Variants in SMURF1 observed in about 807,000 individuals in gnomAD.
SMURF1 encodes SMAD specific E3 ubiquitin protein ligase 1.
In SMURF1, 44 loss-of-function variants were observed where a neutral mutation model predicts 98.0. That is an observed-to-expected ratio of 0.45 (90% confidence interval 0.35 to 0.58). SMURF1 has a LOEUF of 0.58. Ranked by LOEUF, SMURF1 falls within the 20% of genes least tolerant of loss-of-function variation. The pLI is 0.00. For missense variants in SMURF1, 687 were observed against 938.4 expected (o/e 0.73, Z 3.50); for synonymous variants, 396 against 374.9 (o/e 1.06, Z -0.65).
chr7:99,106,045 G>C (rs1797187801), intron 1 of SMURF1, among the ~76,000 whole-genome samples: 2 of 152,124 alleles, frequency 1.3e-5, no homozygotes, highest in Admixed American at 6.5e-5. Flanking sequence ...CCTCCAGCTG[G>C]AATCAATCTG....
At chr7:99,061,074 C>G (rs946261394) in intron 2 of SMURF1, among the ~76,000 whole-genome samples, 2 of 152,108 alleles carry the variant, frequency 1.3e-5, no homozygotes, top group African/African-American at 4.8e-5. Context: ...GGCCTTAATT[C>G]GGTAAGTCCC....
At chr7:99,105,059 T>C (rs1797165736) in intron 1 of SMURF1, among the ~76,000 whole-genome samples, 2 of 152,240 alleles carry the variant, frequency 1.3e-5, no homozygotes, top group Non-Finnish European at 2.9e-5. Flanking sequence ...AATCATTCTC[T>C]TCTATATATA....
intron 3 of SMURF1, among the ~76,000 whole-genome samples, chr7:99,059,258 C>T (rs367676212): frequency 6.7e-6 from 1 of 149,254 alleles, no homozygotes; most frequent in Admixed American, 6.7e-5. Flanking sequence ...AATAGCCGGG[C>T]GTAGTGGCGG....
chr7:99,143,475 C>A (rs1412424207), intron 1 of SMURF1, among the ~76,000 whole-genome samples: 1 of 111,784 alleles, frequency 8.9e-6, no homozygotes, highest in Non-Finnish European at 1.8e-5. Flanking sequence ...GACGGAGATG[C>A]GAGGGGGCAG....
intron 11 of SMURF1, among the ~76,000 whole-genome samples, chr7:99,044,372 T>C (rs1795502774): frequency 6.6e-6 from 1 of 152,184 alleles, no homozygotes; most frequent in South Asian, 2.1e-4. Context: ...AAAAGTTAAA[T>C]TCTAGAATAC....
chr7:99,034,885 C>CT (rs1490155404), intron 16 of SMURF1, among the ~76,000 whole-genome samples: 1 of 152,200 alleles, frequency 6.6e-6, no homozygotes, highest in Non-Finnish European at 1.5e-5. Context: ...GTCTGTGTGT[C>CT]TATCAGCATT....
intron 1 of SMURF1, among the ~76,000 whole-genome samples, chr7:99,133,983 C>T (rs563293560): frequency 2.6e-5 from 4 of 151,828 alleles, no homozygotes; most frequent in South Asian, 4.2e-4. Flanking sequence ...CAGGGGGGTG[C>T]GGCTGAGGGA....
chr7:99,038,020 C>T (rs1795218803), intron 14 of SMURF1, among the ~76,000 whole-genome samples: 1 of 152,212 alleles, frequency 6.6e-6, no homozygotes, highest in African/African-American at 2.4e-5. Context: ...ACAGATCTGC[C>T]TCAAGTTAGG....
At chr7:99,043,120 C>T (rs1038160010) in intron 11 of SMURF1, among the ~76,000 whole-genome samples, 15 of 152,086 alleles carry the variant, frequency 9.9e-5, no homozygotes, top group Non-Finnish European at 1.8e-4. Flanking sequence ...CTCCAGTTGT[C>T]TAGACAGGAA....
In SMURF1 at chr7:99,042,247, C is replaced by CA; in HGVS notation, c.1257-16dup. On this transcript the variant is annotated splice_polypyrimidine_tract_variant and intron_variant, in intron 11 of 17. Transcript: ENST00000361368. Reference sequence around the variant, plus strand: ...AAAGCCACTCCCTGGGAGCAAACAACAAAAATGCATTTGAGACGCGCTAAA... The same window carrying CA: ...AAAGCCACTCCCTGGGAGCAAACAACAAAAAATGCATTTGAGACGCGCTAAA... 1 of 1,557,948 alleles carries CA rather than the reference C, an allele frequency of 6.4e-7. No homozygotes were observed. Among genetic ancestry groups the CA allele is most frequent in the South Asian group, 1.2e-5 (1 of 85,002 alleles).
intron 10 of SMURF1, among the ~76,000 whole-genome samples, chr7:99,046,946 G>A (rs531876326): frequency 3.2e-4 from 49 of 152,192 alleles, no homozygotes; most frequent in African/African-American, 8.4e-4. Context: ...CAGCTCCCTC[G>A]GCCCCCCAGT....
At chr7:99,116,715 A>G (rs934613200) in intron 1 of SMURF1, among the ~76,000 whole-genome samples, 8 of 152,262 alleles carry the variant, frequency 5.3e-5, no homozygotes, top group African/African-American at 1.9e-4. Context: ...GAAGACTTAG[A>G]CATCCTGTGT....
intron 1 of SMURF1, among the ~76,000 whole-genome samples, chr7:99,131,230 AAAC>A (rs1042848867): frequency 4.6e-5 from 7 of 152,332 alleles, no homozygotes; most frequent in African/African-American, 9.6e-5. Flanking sequence ...TCCTGCTTTT[AAAC>A]AACAACAACA....
intron 1 of SMURF1, among the ~76,000 whole-genome samples, chr7:99,114,023 C>T (rs1797386301): frequency 1.3e-5 from 2 of 151,908 alleles, no homozygotes; most frequent in South Asian, 4.1e-4. Context: ...CAAATACACA[C>T]TGATGAGCAC....
intron 11 of SMURF1, among the ~76,000 whole-genome samples, chr7:99,043,849 C>T (rs928019144): frequency 2.6e-5 from 4 of 152,054 alleles, no homozygotes; most frequent in Non-Finnish European, 4.4e-5. Flanking sequence ...CAAGGGAGGA[C>T]GCCAAGAAAG....
rs544345332 is a variant in SMURF1 at position 99,131,616 on chromosome 7, T to C, written c.55+12110A>G. 2.6e-5 allele frequency among the ~76,000 whole-genome samples: 4 copies of C among 152,180 alleles called. 1 individual carries two copies. The highest frequency in any genetic ancestry group is 1.9e-4 in the East Asian group (1 of 5,170). On this transcript the variant is annotated intron_variant, in intron 1 of 17. Coordinates refer to ENST00000361368, the MANE Select transcript of SMURF1 (RefSeq NM_181349.3). ...AAAATTAGCTGGGCATGGTGGCTCATGCTGAGGTGGGGATGACTTGAGCCC... is the reference window on the plus strand; with the variant it reads ...AAAATTAGCTGGGCATGGTGGCTCACGCTGAGGTGGGGATGACTTGAGCCC...
At chr7:99,090,896 A>C (rs946130139) in intron 1 of SMURF1, among the ~76,000 whole-genome samples, 1 of 152,200 alleles carries the variant, frequency 6.6e-6, no homozygotes, top group Non-Finnish European at 1.5e-5. Context: ...AATCCTACAG[A>C]GAAGTTACTC....
rs372438110 is a variant in SMURF1, at chr7:99,035,508, C to G, written c.2011+7G>C. 58 of 1,613,986 alleles carry G rather than the reference C, an allele frequency of 3.6e-5. No individual in the cohort carries two copies. The highest frequency in any genetic ancestry group is 4.7e-5 in the Non-Finnish European group (56 of 1,180,038). ...TCATCGAATAGCCCTGCCTCCACGT[C>G]AGTCACCTTGCAAAGCCTTGAAGCC... is the stretch of plus-strand genomic sequence containing the variant. On this transcript the variant is annotated splice_region_variant and intron_variant, in intron 16 of 17. Coordinates refer to ENST00000361368, the MANE Select transcript of SMURF1 (RefSeq NM_181349.3).
In SMURF1 at chr7:99,144,053, C is replaced by A. The variant is rs552895751; in HGVS notation, c.-273G>T. ...TCCGCCGCCGCCTCCGCCGCCTCCA[C>A]CACCTCAGAGCCGGACGCCCGCCGC... On this transcript the variant is annotated 5_prime_UTR_variant, in exon 1 of 18. Transcript: ENST00000361368. 0.011 allele frequency: 2,445 copies of A among 217,296 alleles called. 79 individuals carry two copies. The highest frequency in any genetic ancestry group is 0.055 in the African/African-American group (2,335 of 42,700). The allele number at this position is 217,296 out of a possible 1,614,324, so 13.5% of individuals were successfully genotyped here. A position where few individuals can be genotyped will look rare whatever the true frequency, so the allele number is the denominator to read the frequency against.
Sources: allele counts gnomAD v4.1 joint callset (sites outside exome capture counted in the v4.1 genomes callset), GRCh38; gene constraint gnomAD v4.1.1; transcripts MANE v1.5; gene names NCBI Gene and HGNC (gene_info 2026-07-23, HGNC 2026-07-21).